The following CAMK4 variants were observed in gnomAD, a reference collection of about 807,000 sequenced individuals.
CAMK4 encodes the protein calcium/calmodulin dependent protein kinase IV.
In CAMK4, 22 loss-of-function variants were observed where a neutral mutation model predicts 44.9. The observed-to-expected ratio is 0.49, with a 90% CI of 0.35 to 0.70. The LOEUF (loss-of-function observed/expected upper bound fraction) is 0.70, where lower values mean the gene tolerates loss of function less well. Ranked by LOEUF, CAMK4 falls within the 30% of genes least tolerant of loss-of-function variation. The probability of loss-of-function intolerance (pLI) is 0.01; values close to 1 mark genes in which losing one functional copy is unlikely to be tolerated. For missense variants in CAMK4, 498 were observed against 586.8 expected, an observed-to-expected ratio of 0.85 and a Z score of 1.56; for synonymous variants, 218 against 215.4, an observed-to-expected ratio of 1.01 and a Z score of -0.11.
intron 8 of CAMK4, 67 bp from the exon 9 acceptor site, chr5:111,478,314 A>G (rs911495752): frequency 1.9e-6 from 2 of 1,055,586 alleles, no homozygotes; most frequent in Non-Finnish European, 2.7e-6. Flanking sequence ...CTGAATTCCT[A>G]CAGAAATTGG....
At chr5:111,406,016 G>A (rs1014701126) in intron 5 of CAMK4, among the ~76,000 whole-genome samples, 1 of 151,886 alleles carries the variant, frequency 6.6e-6, no homozygotes, top group Non-Finnish European at 1.5e-5. Flanking sequence ...GAGGATCAAT[G>A]AGAACTTTTC....
At chr5:111,359,023 T>C (rs1037215021) in intron 2 of CAMK4, among the ~76,000 whole-genome samples, 3 of 152,182 alleles carry the variant, frequency 2.0e-5, no homozygotes, top group Non-Finnish European at 4.4e-5. Context: ...GTGTGAACAG[T>C]GCTGCAGTGA....
chr5:111,413,433 C>T (rs1243507579), intron 5 of CAMK4, among the ~76,000 whole-genome samples: 2 of 151,946 alleles, frequency 1.3e-5, no homozygotes, highest in Non-Finnish European at 2.9e-5. Flanking sequence ...AAAAAATAGC[C>T]AGGGATGGTG....
intron 10 of CAMK4, 118 bp from the exon 11 acceptor site, chr5:111,483,908 T>C (rs754396364): frequency 2.9e-6 from 2 of 686,968 alleles, no homozygotes; most frequent in Non-Finnish European, 4.6e-6. Context: ...AATAAGGTAC[T>C]TTGAAAACTT....
rs1755567177 is a variant in CAMK4, at chr5:111,485,087, A to G, written c.*621A>G. 6.6e-6 allele frequency: 1 copy of G among 152,154 alleles called. No individual in the cohort carries two copies. The highest frequency in any genetic ancestry group is 2.1e-4 in the South Asian group (1 of 4,834). 9.4% of individuals were successfully genotyped at this position (152,154 alleles called of 1,614,324 possible). Reference sequence around the variant, plus strand: ...AGAATGCTTTATTTTATTCTTATTTATATACACTATATTAATAATAACCAA... The same window carrying G: ...AGAATGCTTTATTTTATTCTTATTTGTATACACTATATTAATAATAACCAA... On this transcript the variant is annotated 3_prime_UTR_variant, in exon 11 of 11. Coordinates refer to ENST00000282356, the MANE Select transcript of CAMK4 (RefSeq NM_001744.6).
At chr5:111,450,289 G>A (rs535776479) in intron 7 of CAMK4, among the ~76,000 whole-genome samples, 11 of 152,138 alleles carry the variant, frequency 7.2e-5, no homozygotes, top group African/African-American at 2.4e-4. Context: ...AGCCAAGATC[G>A]CACCACTGCA....
At chr5:111,268,906 AATAC>A (rs1750378588) in intron 1 of CAMK4, among the ~76,000 whole-genome samples, 1 of 141,666 alleles carries the variant, frequency 7.1e-6, no homozygotes, top group African/African-American at 2.4e-5. Flanking sequence ...ATAGAAGCTA[AATAC>A]ATACAACTTG....
chr5:111,273,780 C>T (rs1750643470), intron 1 of CAMK4, among the ~76,000 whole-genome samples: 1 of 147,034 alleles, frequency 6.8e-6, no homozygotes, highest in Non-Finnish European at 1.5e-5. Context: ...TATATACACA[C>T]ACATACATAT....
At chr5:111,321,726 C>G (rs1304959749) in intron 1 of CAMK4, among the ~76,000 whole-genome samples, 1 of 152,098 alleles carries the variant, frequency 6.6e-6, no homozygotes, top group Non-Finnish European at 1.5e-5. Flanking sequence ...AGTGTTTTGA[C>G]ATAGTATAAT....
At chr5:111,405,335 G>T (rs1207927930) in intron 5 of CAMK4, among the ~76,000 whole-genome samples, 1 of 152,160 alleles carries the variant, frequency 6.6e-6, no homozygotes, top group African/African-American at 2.4e-5. Flanking sequence ...GGGCATGGTG[G>T]TGTGCGCCTA....
At chr5:111,370,530 T>C (rs2112813996) in intron 2 of CAMK4, among the ~76,000 whole-genome samples, 1 of 152,176 alleles carries the variant, frequency 6.6e-6, no homozygotes, top group African/African-American at 2.4e-5. Flanking sequence ...GAAAAATAAA[T>C]TCTAGTATAA....
chr5:111,272,812 CAG>C (rs2112584931), intron 1 of CAMK4, among the ~76,000 whole-genome samples: 1 of 152,230 alleles, frequency 6.6e-6, no homozygotes, highest in East Asian at 1.9e-4. Context: ...TGTCTCTATA[CAG>C]AGTGTTTATG....
chr5:111,472,686 T>A (rs1561509330), intron 7 of CAMK4, among the ~76,000 whole-genome samples: 1 of 152,206 alleles, frequency 6.6e-6, no homozygotes, highest in Non-Finnish European at 1.5e-5. Flanking sequence ...TGTGCACAGA[T>A]AAGTTCCCCT....
intron 2 of CAMK4, among the ~76,000 whole-genome samples, chr5:111,366,276 G>T (rs1207630545): frequency 6.6e-6 from 1 of 152,068 alleles, no homozygotes; most frequent in Non-Finnish European, 1.5e-5. Flanking sequence ...ATCTCTGCAA[G>T]GAAAATAAGA....
chr5:111,460,265 C>CTTTTTTTTTTTTTT lies in CAMK4; in HGVS notation c.625+11067_625+11068insTTTTTTTTTTTTTT, dbSNP rs200566906. 4.9e-5 allele frequency among the ~76,000 whole-genome samples: 6 copies of CTTTTTTTTTTTTTT among 122,710 alleles called. 1 individual carries two copies. Among genetic ancestry groups the CTTTTTTTTTTTTTT allele is most frequent in the African/African-American group, 6.2e-5 (2 of 32,390 alleles). 80.5% of individuals were successfully genotyped at this position (122,710 alleles called of 152,430 possible). A position where few individuals can be genotyped will look rare whatever the true frequency, so the allele number is the denominator to read the frequency against. ...TAATGTTTTTCTTTTCTTTTCTTTT[C>CTTTTTTTTTTTTTT]TTTTTCTTTTTTTTTTTTTTGAGGC... On this transcript the variant is annotated intron_variant, in intron 7 of 10. Coordinates refer to ENST00000282356, the MANE Select transcript of CAMK4 (RefSeq NM_001744.6).
At chr5:111,320,459 T>G (rs1205629252) in intron 1 of CAMK4, among the ~76,000 whole-genome samples, 1 of 152,098 alleles carries the variant, frequency 6.6e-6, no homozygotes, top group African/African-American at 2.4e-5. Flanking sequence ...TTAATGTGTA[T>G]GTAGTACTAT....
chr5:111,457,575 T>A (rs1352520638), intron 7 of CAMK4, among the ~76,000 whole-genome samples: 1 of 152,186 alleles, frequency 6.6e-6, no homozygotes, highest in Admixed American at 6.5e-5. Context: ...TTAAGACAAA[T>A]TTTCAACAGC....
At chr5:111,372,067 C>T (rs888833986) in intron 2 of CAMK4, among the ~76,000 whole-genome samples, 1 of 152,074 alleles carries the variant, frequency 6.6e-6, no homozygotes, top group African/African-American at 2.4e-5. Flanking sequence ...ATTTGGGTTA[C>T]TAGTAAATGG....
At position 111,327,414 on chromosome 5, in the gene CAMK4, G is replaced by T. The variant is rs1268812257; in HGVS notation, c.162-16610G>T. Among the ~76,000 whole-genome samples the T allele has an allele frequency of 2.0e-5, 3 of 152,194 alleles. No individual in the cohort carries two copies. In the East Asian group the frequency reaches 5.8e-4, roughly 29 times the overall value. ...TTCTTAATCCAGTCTGTCGTTGTGG[G>T]ACATTTGGGTTGGTTCCAAGTCTTT... is the stretch of plus-strand genomic sequence containing the variant. On this transcript the variant is annotated intron_variant, in intron 1 of 10. Coordinates refer to ENST00000282356, the MANE Select transcript of CAMK4 (RefSeq NM_001744.6).
Sources: gnomAD v4.1 joint callset for allele counts (sites outside exome capture counted in the v4.1 genomes callset) on GRCh38, gnomAD v4.1.1 for gene constraint, MANE v1.5 for transcripts, NCBI Gene and HGNC (gene_info 2026-07-23, HGNC 2026-07-21) for gene names.